Variants in NFAM1 observed in about 807,000 individuals in gnomAD.
The protein encoded by NFAM1 is NFAT activating protein with ITAM motif 1, also known as NFAT activation molecule 1.
A neutral mutation model predicts 29.0 loss-of-function variants in NFAM1; 17 were observed. The observed-to-expected ratio is 0.59, with a 90% CI of 0.40 to 0.88. The LOEUF is 0.88. Among genes scored for constraint, NFAM1 ranks in the 40% least tolerant of loss-of-function variants. The pLI, the probability that NFAM1 is intolerant of heterozygous loss-of-function variation, is 0.00. For missense variants in NFAM1, 324 were observed against 344.6 expected, an observed-to-expected ratio of 0.94 and a Z score of 0.47; for synonymous variants, 175 against 147.2, an observed-to-expected ratio of 1.19 and a Z score of -1.36.
chr22:42,432,165 G>C, intron 1 of NFAM1, 72 bp downstream of exon 1: 1 of 1,357,860 alleles, frequency 7.4e-7, no homozygotes, highest in South Asian at 1.2e-5. Flanking sequence ...AATTAGCTGC[G>C]CCGGGCGGGA....
the NFAM1 span, among the ~76,000 whole-genome samples, chr22:42,437,716 C>A: frequency 6.6e-6 from 1 of 152,194 alleles, no homozygotes; most frequent in Admixed American, 6.5e-5. Context: ...GACCCTTCTT[C>A]CCCCTCTAGG....
Position 42,383,178 on chromosome 22 carries a change from C to T in NFAM1, c.*1983G>A, listed in dbSNP as rs1285200224. The T allele has an allele frequency of 1.3e-5, 2 of 152,618 alleles. No individual in the cohort carries two copies. The highest frequency in any genetic ancestry group is 6.5e-5 in the Admixed American group (1 of 15,280). 9.5% of individuals were successfully genotyped at this position (152,618 alleles called of 1,614,324 possible). On this transcript the variant is annotated 3_prime_UTR_variant, in exon 6 of 6. Transcript: ENST00000329021. ...GAAAAAGACTGGAAAATGCTGAGTC[C>T]CAGCCAAGGGTCCAGGGTCTAGGAG...
At chr22:42,434,263 G>A (rs1046130106), upstream of NFAM1, among the ~76,000 whole-genome samples, 4 of 152,198 alleles carry the variant, frequency 2.6e-5, no homozygotes, top group African/African-American at 9.7e-5. Context: ...GGACGGATGG[G>A]TGAGCATAAG....
chr22:42,409,856 C>CT lies in NFAM1; in HGVS notation c.452-310dup, dbSNP rs1357806632. Among the ~76,000 whole-genome samples the CT allele has an allele frequency of 6.6e-6, 1 of 152,192 alleles. No homozygotes were observed. The highest frequency in any genetic ancestry group is 1.9e-4 in the East Asian group (1 of 5,182). On this transcript the variant is annotated intron_variant, in intron 2 of 5. Coordinates refer to ENST00000329021, the MANE Select transcript of NFAM1 (RefSeq NM_145912.8). The surrounding 1 kb of genome is among the most constrained non-coding windows in gnomAD (Gnocchi z 4.9). ...AGCGAGATGTCTCCCCTCTCGGGGC[C>CT]TCTTCTTTTCCCTGTGTGAGGTGGT...
intron 1 of NFAM1, among the ~76,000 whole-genome samples, chr22:42,412,370 A>G (rs920868785): frequency 2.6e-5 from 4 of 152,194 alleles, no homozygotes; most frequent in Non-Finnish European, 4.4e-5. Context: ...CTCTCCTAAT[A>G]TACCCCAAGG....
intron 3 of NFAM1, among the ~76,000 whole-genome samples, chr22:42,398,271 C>T (rs1207119710): frequency 6.6e-6 from 1 of 152,218 alleles, no homozygotes; most frequent in Non-Finnish European, 1.5e-5. Flanking sequence ...ACCGAGCCAG[C>T]AGCCATGGGT....
chr22:42,395,019 A>T (rs1750564592), intron 4 of NFAM1, among the ~76,000 whole-genome samples: 1 of 152,110 alleles, frequency 6.6e-6, no homozygotes, highest in Admixed American at 6.6e-5. Flanking sequence ...ACAAAAAATT[A>T]AAAAATTAGC....
chr22:42,380,961 C>T lies in NFAM1; in HGVS notation c.*4200G>A, dbSNP rs1262792322. 2 of 152,498 alleles carry T rather than the reference C, an allele frequency of 1.3e-5. No individual in the cohort carries two copies. Among genetic ancestry groups the T allele is most frequent in the Middle Eastern group, 3.2e-3 (1 of 316 alleles). 9.4% of individuals were successfully genotyped at this position (152,498 alleles called of 1,614,324 possible). On this transcript the variant is annotated 3_prime_UTR_variant, in exon 6 of 6. Transcript: ENST00000329021. ...GCTGTGAAGGGAACCCCAGCCACAC[C>T]GGGTTCAGCGCAGAACCAGCACATG...
chr22:42,412,346 G>A (rs1038027894), intron 1 of NFAM1, among the ~76,000 whole-genome samples: 1 of 152,116 alleles, frequency 6.6e-6, no homozygotes, highest in African/African-American at 2.4e-5. Context: ...AGCATATTAC[G>A]CACACCACTC....
rs1315467460 is a variant in NFAM1 at position 42,419,648 on chromosome 22, G to A, written c.122-7912C>T. 6.6e-6 allele frequency among the ~76,000 whole-genome samples: 1 copy of A among 152,152 alleles called. No homozygotes were observed. Among genetic ancestry groups the A allele is most frequent in the African/African-American group, 2.4e-5 (1 of 41,432 alleles). ...CTCACTCGCCCACTCCTGCGTAGAC[G>A]TCAGCCTGCCACACTCCGGCGCCTT... On this transcript the variant is annotated intron_variant, in intron 1 of 5. Transcript: ENST00000329021. This position sits in a 1 kb window ranked among gnomAD's most constrained non-coding sequence, Gnocchi z 4.5.
chr22:42,422,675 T>C (rs1930485861), intron 1 of NFAM1, among the ~76,000 whole-genome samples: 1 of 152,128 alleles, frequency 6.6e-6, no homozygotes. Context: ...GAGTGTGGTC[T>C]GGGTCATCAG....
At chr22:42,407,869 G>A (rs886095161) in intron 3 of NFAM1, among the ~76,000 whole-genome samples, 2 of 151,224 alleles carry the variant, frequency 1.3e-5, no homozygotes, top group African/African-American at 4.9e-5. Context: ...TGGAATTACA[G>A]GTGTGAGCCA....
intron 1 of NFAM1, among the ~76,000 whole-genome samples, chr22:42,416,987 C>A (rs1930281131): frequency 1.3e-5 from 2 of 152,022 alleles, no homozygotes; most frequent in Non-Finnish European, 2.9e-5. Flanking sequence ...GTTAGCAATC[C>A]CCCACTTCCG....
intron 1 of NFAM1, among the ~76,000 whole-genome samples, chr22:42,424,983 G>C (rs984207441): frequency 6.6e-6 from 1 of 151,706 alleles, no homozygotes; most frequent in Non-Finnish European, 1.5e-5. Context: ...GTGCAGTGGT[G>C]CAATCCCGTC....
chr22:42,424,817 G>T (rs1000993006), intron 1 of NFAM1, among the ~76,000 whole-genome samples: 2 of 152,106 alleles, frequency 1.3e-5, no homozygotes, highest in Non-Finnish European at 2.9e-5. Context: ...TGGAGCCTGT[G>T]AGGGCTTTTA....
intron 1 of NFAM1, among the ~76,000 whole-genome samples, chr22:42,425,959 G>C (rs1011486810): frequency 6.6e-6 from 1 of 152,170 alleles, no homozygotes; most frequent in South Asian, 2.1e-4. Flanking sequence ...GGGGCCAGAG[G>C]GGGTACTACA....
Position 42,397,945 on chromosome 22 carries a change from C to T in NFAM1, c.576G>A (p.Arg192=), listed in dbSNP as rs745505910. The part of the protein sequence containing the change: ...ALLLWNKKRM[R]GPGKDPTRKC... ...TCCTGGTGGGGTCCTTCCCTGGACC[C>T]CGCATCCGCTTCTGTAGGGAGAAAG... Residue 192 remains arginine, a synonymous_variant, in exon 4 of 6, where the codon CGG becomes CGA. Transcript: ENST00000329021. The T allele has an allele frequency of 5.6e-6, 9 of 1,597,320 alleles. No individual in the cohort carries two copies. In the South Asian group the frequency reaches 7.8e-5, roughly 14 times the overall value.
chr22:42,386,492 A>G (rs1011628880), intron 5 of NFAM1, among the ~76,000 whole-genome samples: 5 of 152,112 alleles, frequency 3.3e-5, no homozygotes, highest in Non-Finnish European at 5.9e-5. Flanking sequence ...CTATCATGAC[A>G]ATCACAGAAC....
intron 1 of NFAM1, among the ~76,000 whole-genome samples, chr22:42,420,221 G>A (rs935873613): frequency 5.9e-5 from 9 of 151,832 alleles, no homozygotes; most frequent in Non-Finnish European, 1.2e-4. Context: ...TGTTGGCCAG[G>A]CTAGTCTCGA....
Sources: allele counts gnomAD v4.1 joint callset (sites outside exome capture counted in the v4.1 genomes callset), GRCh38; gene constraint gnomAD v4.1.1; non-coding constraint Gnocchi (gnomAD v3.1); transcripts MANE v1.5; gene names NCBI Gene and HGNC (gene_info 2026-07-23, HGNC 2026-07-21).